The following EYS variants were observed in gnomAD, a reference collection of about 807,000 sequenced individuals.
The protein encoded by EYS is EGF-like photoreceptor maintenance factor.
In EYS, 250 loss-of-function variants were observed where a neutral mutation model predicts 282.1. That is an observed-to-expected ratio of 0.89 (90% CI 0.80 to 0.98). EYS has a LOEUF of 0.98. EYS is among the 50% of genes least tolerant of loss of function. The probability of loss-of-function intolerance (pLI) is 0.00; values close to 1 mark genes in which losing one functional copy is unlikely to be tolerated. For synonymous variants in EYS, 1,355 were observed against 1,282.9 expected (o/e 1.06, Z -1.20); for missense variants, 4,016 against 3,709.0 (o/e 1.08, Z -2.15).
chr6:63,980,781 T>C (rs887644916), intron 35 of EYS, among the ~76,000 whole-genome samples: 1 of 151,728 alleles, frequency 6.6e-6, no homozygotes, highest in Non-Finnish European at 1.5e-5. Context: ...TCAGATGGCA[T>C]GGACTGAGGG....
At position 63,738,089 on chromosome 6, in the gene EYS, A is replaced by T. The variant is rs574477684; in HGVS notation, c.8072-11409T>A. Among the ~76,000 whole-genome samples the T allele has an allele frequency of 3.9e-3, 595 of 152,266 alleles. 1 individual carries two copies. Among genetic ancestry groups the T allele is most frequent in the Middle Eastern group, 0.014 (4 of 294 alleles). ...AATCATTAAAAAGTCAGGAAACAAC[A>T]GGTGCTGGAGAGGATGTGGAGAAAT... On this transcript the variant is annotated intron_variant, in intron 41 of 42. Transcript: ENST00000503581.
In EYS at chr6:65,561,146, T is replaced by C. The variant is rs150741303; in HGVS notation, c.-332-65153A>G. ...TCTCCTGCCAAGGCTGACAATCAAC[T>C]TTGCCCCCAGTGGCATTTATTTTTC... is the stretch of plus-strand genomic sequence containing the variant. On this transcript the variant is annotated intron_variant, in intron 2 of 42. Coordinates refer to ENST00000503581, the MANE Select transcript of EYS (RefSeq NM_001142800.2). 1.8e-4 allele frequency among the ~76,000 whole-genome samples: 28 copies of C among 152,254 alleles called. No individual in the cohort carries two copies. The East Asian group carries it at 5.2e-3, about 28-fold the overall frequency.
In EYS at chr6:65,376,019, C is replaced by T. The variant is rs1175539335; in HGVS notation, c.1299+8367G>A. On this transcript the variant is annotated intron_variant, in intron 8 of 42. Coordinates refer to ENST00000503581, the MANE Select transcript of EYS (RefSeq NM_001142800.2). ...AGGCCAGCATTCAAATCCAGAAATA[C>T]AGAGAATGCCACTAAGATACTCCTT... 2.6e-5 allele frequency among the ~76,000 whole-genome samples: 4 copies of T among 152,118 alleles called. No individual in the cohort carries two copies. The East Asian group carries it at 5.8e-4, about 22-fold the overall frequency.
intron 2 of EYS, among the ~76,000 whole-genome samples, chr6:65,597,870 G>A (rs1315091304): frequency 1.3e-5 from 2 of 152,036 alleles, no homozygotes; most frequent in Admixed American, 6.6e-5. Flanking sequence ...GGAGGTCAAG[G>A]CGGGCAGATC....
chr6:64,340,475 T>A (rs1771059701), intron 29 of EYS, among the ~76,000 whole-genome samples: 1 of 151,764 alleles, frequency 6.6e-6, no homozygotes. Flanking sequence ...TGGAGAAAGA[T>A]GTCCATATTC....
At chr6:64,333,717 G>A (rs1770728832) in intron 29 of EYS, among the ~76,000 whole-genome samples, 1 of 152,186 alleles carries the variant, frequency 6.6e-6, no homozygotes, top group Admixed American at 6.6e-5. Flanking sequence ...CCAAGTTTAA[G>A]TTACCCCAAT....
chr6:64,634,544 T>A (rs1442316635), intron 22 of EYS, among the ~76,000 whole-genome samples: 14 of 21,644 alleles, frequency 6.5e-4, no homozygotes, highest in Non-Finnish European at 1.0e-3. Flanking sequence ...ATACCCTAGC[T>A]TCCAAAAAAA....
At chr6:63,795,585 G>T (rs1770626801) in intron 37 of EYS, among the ~76,000 whole-genome samples, 1 of 152,154 alleles carries the variant, frequency 6.6e-6, no homozygotes, top group Non-Finnish European at 1.5e-5. Flanking sequence ...TATAATTATA[G>T]TTAAGCTTAT....
At chr6:65,357,802 T>C (rs1215988209) in intron 8 of EYS, among the ~76,000 whole-genome samples, 9 of 151,982 alleles carry the variant, frequency 5.9e-5, no homozygotes, top group Admixed American at 5.3e-4. Flanking sequence ...AGAAAAGTAA[T>C]TATTTCAAAT....
At position 65,408,356 on chromosome 6, in the gene EYS, T is replaced by G. The variant is rs545811971; in HGVS notation, c.863-2989A>C. ...TTCTCTTTTTTCCTTTTCTCTTCTTTTAAGAGATTAGTGCCAGTTATCGAG... is the reference window on the plus strand; with the variant it reads ...TTCTCTTTTTTCCTTTTCTCTTCTTGTAAGAGATTAGTGCCAGTTATCGAG... On this transcript the variant is annotated intron_variant, in intron 5 of 42. Coordinates refer to ENST00000503581, the MANE Select transcript of EYS (RefSeq NM_001142800.2). Among the ~76,000 whole-genome samples, 7 of 152,230 alleles carry G rather than the reference T, an allele frequency of 4.6e-5. No homozygotes were observed. In the South Asian group the frequency reaches 1.5e-3, roughly 32 times the overall value.
intron 29 of EYS, among the ~76,000 whole-genome samples, chr6:64,308,038 T>C (rs1175823927): frequency 1.3e-5 from 2 of 152,038 alleles, no homozygotes; most frequent in East Asian, 3.8e-4. Context: ...ACACTCATCC[T>C]TCCCATCAAG....
intron 36 of EYS, among the ~76,000 whole-genome samples, chr6:63,812,038 T>C (rs1259267295): frequency 6.6e-6 from 1 of 152,224 alleles, no homozygotes; most frequent in Non-Finnish European, 1.5e-5. Context: ...CACTTTACAA[T>C]CTCTTTTCCG....
chr6:65,454,220 T>C (rs2150404172), intron 5 of EYS, among the ~76,000 whole-genome samples: 1 of 151,886 alleles, frequency 6.6e-6, no homozygotes, highest in East Asian at 1.9e-4. Context: ...CTAACTAGAG[T>C]AAAGTGGTAT....
intron 41 of EYS, among the ~76,000 whole-genome samples, chr6:63,738,348 C>T (rs1451932327): frequency 6.6e-6 from 1 of 151,938 alleles, no homozygotes; most frequent in Non-Finnish European, 1.5e-5. Flanking sequence ...AAATGTCCAA[C>T]AATGATAGAC....
chr6:65,168,972 T>C (rs1367724538), intron 12 of EYS, among the ~76,000 whole-genome samples: 2 of 151,352 alleles, frequency 1.3e-5, no homozygotes, highest in Non-Finnish European at 3.0e-5. Flanking sequence ...ACCTTTACCA[T>C]GTTTTAAGAC....
At chr6:65,414,908 C>T (rs973361790) in intron 5 of EYS, among the ~76,000 whole-genome samples, 1 of 151,826 alleles carries the variant, frequency 6.6e-6, no homozygotes, top group Non-Finnish European at 1.5e-5. Flanking sequence ...GTTGTGCTAT[C>T]AATGTATAGA....
At chr6:65,473,220 T>A (rs1024781908) in intron 5 of EYS, among the ~76,000 whole-genome samples, 1 of 151,916 alleles carries the variant, frequency 6.6e-6, no homozygotes, top group Non-Finnish European at 1.5e-5. Flanking sequence ...AATAAATTGA[T>A]AAATAATAGA....
chr6:65,649,750 A>T (rs1428166799), intron 1 of EYS, among the ~76,000 whole-genome samples: 2 of 152,120 alleles, frequency 1.3e-5, no homozygotes, highest in Non-Finnish European at 2.9e-5. Context: ...ATAGGTGTGA[A>T]TAGCATCGAT....
intron 12 of EYS, among the ~76,000 whole-genome samples, chr6:65,065,096 G>T (rs376759085): frequency 5.2e-4 from 79 of 152,218 alleles, no homozygotes; most frequent in African/African-American, 1.9e-3. Context: ...TAAGAATCTA[G>T]GCGTGCTGAG....
Sources: allele counts gnomAD v4.1 joint callset (sites outside exome capture counted in the v4.1 genomes callset), GRCh38; gene constraint gnomAD v4.1.1; transcripts MANE v1.5; gene names NCBI Gene and HGNC (gene_info 2026-07-23, HGNC 2026-07-21).